Variants in NDST4 observed in about 807,000 individuals in gnomAD.
NDST4 encodes the protein N-deacetylase and N-sulfotransferase 4.
A neutral mutation model predicts 100.8 loss-of-function variants in NDST4; 63 were observed. The observed-to-expected ratio is 0.62, with a 90% CI of 0.51 to 0.77. The LOEUF is 0.77. Ranked by LOEUF, NDST4 falls within the 30% of genes least tolerant of loss-of-function variation. NDST4 has a pLI of 0.00. For synonymous variants in NDST4, 377 were observed against 361.8 expected (o/e 1.04, Z -0.48); for missense variants, 943 against 1,018.4 (o/e 0.93, Z 1.01).
At chr4:115,019,617 T>G (rs1727764687) in intron 2 of NDST4, among the ~76,000 whole-genome samples, 1 of 152,184 alleles carries the variant, frequency 6.6e-6, no homozygotes, top group South Asian at 2.1e-4. Flanking sequence ...AATGTAAAAG[T>G]TTTATAATTT....
rs531132432 is a variant in NDST4, at chr4:115,106,734, G to T, written c.-247+6710C>A. ...ACCCATGGATACTAAGAATTACATC[G>T]ATCTTCATTTCATTATGTTAGGTCC... On this transcript the variant is annotated intron_variant, in intron 1 of 13. Transcript: ENST00000264363. 3.9e-5 allele frequency among the ~76,000 whole-genome samples: 6 copies of T among 152,172 alleles called. No homozygotes were observed. The South Asian group carries it at 1.2e-3, about 32-fold the overall frequency.
At chr4:114,913,428 T>C (rs1191732026) in intron 6 of NDST4, among the ~76,000 whole-genome samples, 1 of 152,078 alleles carries the variant, frequency 6.6e-6, no homozygotes, top group African/African-American at 2.4e-5. Flanking sequence ...CTTAAAATGT[T>C]GACTTACGAT....
At chr4:114,954,175 TG>T (rs1228808472) in intron 4 of NDST4, among the ~76,000 whole-genome samples, 2 of 151,962 alleles carry the variant, frequency 1.3e-5, no homozygotes, top group African/African-American at 4.8e-5. Context: ...TGTTATTATT[TG>T]GTTTTTTTAA....
chr4:114,945,208 C>CAAAAAAAAAAAAAAAAAA (rs1173970826), intron 4 of NDST4, among the ~76,000 whole-genome samples: 1 of 53,764 alleles, frequency 1.9e-5, no homozygotes, highest in African/African-American at 6.7e-5. Context: ...AACTCCGTCT[C>CAAAAAAAAAAAAAAAAAA]AAAAAAAAAA....
chr4:114,847,375 C>CAAAAAAAAA lies in NDST4; in HGVS notation c.1940+831_1940+839dup, dbSNP rs57987259. ...TGGGCGACAGAGCGAGACTCCGTCTCAAAAAAAAAAAAAAAAAAAAAAAAA... is the reference window on the plus strand; with the variant it reads ...TGGGCGACAGAGCGAGACTCCGTCTCAAAAAAAAAAAAAAAAAAAAAAAAAAAAAAAAAA... On this transcript the variant is annotated intron_variant, in intron 9 of 13. Coordinates refer to ENST00000264363, the MANE Select transcript of NDST4 (RefSeq NM_022569.3). 7.7e-4 allele frequency among the ~76,000 whole-genome samples: 14 copies of CAAAAAAAAA among 18,234 alleles called. 3 individuals carry two copies. Among genetic ancestry groups the CAAAAAAAAA allele is most frequent in the Non-Finnish European group, 9.6e-4 (11 of 11,424 alleles). The allele number at this position is 18,234 out of a possible 152,430, so 12.0% of individuals were successfully genotyped here.
At chr4:114,959,702 A>G (rs1423906728) in intron 4 of NDST4, among the ~76,000 whole-genome samples, 1 of 152,150 alleles carries the variant, frequency 6.6e-6, no homozygotes, top group Non-Finnish European at 1.5e-5. Context: ...AAAATTTAGC[A>G]CACTTGAAAA....
chr4:115,112,399 T>C (rs1729973419), intron 1 of NDST4, among the ~76,000 whole-genome samples: 1 of 151,858 alleles, frequency 6.6e-6, no homozygotes, highest in Non-Finnish European at 1.5e-5. Context: ...CATCAGTATC[T>C]TGGTATGCAA....
rs967762821 is a variant in NDST4, at chr4:115,074,111, T to C, written c.978+1948A>G. Among the ~76,000 whole-genome samples, 8 of 151,958 alleles carry C rather than the reference T, an allele frequency of 5.3e-5. No individual in the cohort carries two copies. The Middle Eastern group carries it at 0.01, about 194-fold the overall frequency. On this transcript the variant is annotated intron_variant, in intron 2 of 13. Transcript: ENST00000264363. ...ATATGAACACATACTAATAAATACA[T>C]ACACACACACATAGCCTTTCTGATT... is the stretch of plus-strand genomic sequence containing the variant.
chr4:114,930,606 T>A (rs1222363410), intron 6 of NDST4, among the ~76,000 whole-genome samples: 1 of 152,196 alleles, frequency 6.6e-6, no homozygotes, highest in Non-Finnish European at 1.5e-5. Flanking sequence ...ACAGCCAACT[T>A]AGCTATAGCT....
intron 7 of NDST4, among the ~76,000 whole-genome samples, chr4:114,858,871 T>A (rs1185957226): frequency 1.3e-5 from 2 of 152,208 alleles, no homozygotes; most frequent in African/African-American, 4.8e-5. Context: ...TCCTACCTGG[T>A]CACTTTGGAC....
intron 6 of NDST4, among the ~76,000 whole-genome samples, chr4:114,879,096 G>T (rs965455852): frequency 2.0e-5 from 3 of 151,834 alleles, no homozygotes; most frequent in East Asian, 1.9e-4. Flanking sequence ...GTGAAGTTTT[G>T]ATACATCATT....
chr4:115,031,181 G>C (rs1449558777), intron 2 of NDST4, among the ~76,000 whole-genome samples: 2 of 152,050 alleles, frequency 1.3e-5, no homozygotes, highest in Non-Finnish European at 2.9e-5. Context: ...GATTTAACTT[G>C]GTGATGAGAG....
At chr4:115,081,718 A>C (rs1729307413) in intron 1 of NDST4, among the ~76,000 whole-genome samples, 1 of 152,184 alleles carries the variant, frequency 6.6e-6, no homozygotes, top group African/African-American at 2.4e-5. Context: ...GATACACCAA[A>C]ATTTTTATTT....
At chr4:114,861,331 ATATT>A (rs1391044812) in intron 7 of NDST4, among the ~76,000 whole-genome samples, 2 of 152,160 alleles carry the variant, frequency 1.3e-5, no homozygotes, top group African/African-American at 4.8e-5. Flanking sequence ...GTGGTTGGTA[ATATT>A]TATCTCATGT....
chr4:115,100,308 G>A (rs1729705458), intron 1 of NDST4, among the ~76,000 whole-genome samples: 1 of 152,072 alleles, frequency 6.6e-6, no homozygotes, highest in Admixed American at 6.6e-5. Context: ...CACCAAGTGT[G>A]TGCCCTGATG....
chr4:115,033,590 C>G (rs1193082189), intron 2 of NDST4, among the ~76,000 whole-genome samples: 1 of 150,412 alleles, frequency 6.6e-6, no homozygotes, highest in African/African-American at 2.4e-5. Context: ...TTGATTTTTC[C>G]CCAAAACCAA....
chr4:114,839,425 A>G lies in NDST4; in HGVS notation c.2239T>C (p.Tyr747His), dbSNP rs768105182. 2 of 1,613,758 alleles carry G rather than the reference A, an allele frequency of 1.2e-6. No individual in the cohort carries two copies. Among genetic ancestry groups the G allele is most frequent in the Non-Finnish European group, 1.7e-6 (2 of 1,179,754 alleles). ...LQRRCLVPGW[Y>H]AVHIERWLTY... ...AGCCATCTTTCTATGTGGACTGCAT[A>G]CCATCCAGGTACTAGGCATCTTCTC... Residue 747 changes from tyrosine to histidine, a missense_variant, in exon 11 of 14, where the codon TAT becomes CAT. By Grantham distance (83) the Tyr-to-His change is moderately conservative. This residue lies in a region of NDST4 where 526 missense variants were observed against 634.1 expected (regional missense o/e 0.83). Coordinates refer to ENST00000264363, the MANE Select transcript of NDST4 (RefSeq NM_022569.3).
At chr4:115,036,420 T>C (rs531864636) in intron 2 of NDST4, among the ~76,000 whole-genome samples, 2 of 151,130 alleles carry the variant, frequency 1.3e-5, no homozygotes, top group Admixed American at 1.3e-4. Context: ...AGTATGTGTG[T>C]GCATATATGT....
chr4:114,902,159 C>T (rs1724855161), intron 6 of NDST4, among the ~76,000 whole-genome samples: 1 of 151,944 alleles, frequency 6.6e-6, no homozygotes. Flanking sequence ...ATTTTACACA[C>T]TTATTTTTTT....
Sources: allele counts gnomAD v4.1 joint callset (sites outside exome capture counted in the v4.1 genomes callset), GRCh38; gene constraint gnomAD v4.1.1; regional missense constraint gnomAD v4.1.1; transcripts MANE v1.5; gene names NCBI Gene and HGNC (gene_info 2026-07-23, HGNC 2026-07-21).